Variants in KDM2B observed in about 807,000 individuals in gnomAD.
KDM2B encodes lysine-specific demethylase 2B.
In KDM2B, 26 loss-of-function variants were observed where a neutral mutation model predicts 150.0. That is an observed-to-expected ratio of 0.17 (90% CI 0.13 to 0.24). The LOEUF (loss-of-function observed/expected upper bound fraction) is 0.24. Among genes scored for constraint, KDM2B ranks in the 10% least tolerant of loss-of-function variants. The pLI, the probability that KDM2B is intolerant of heterozygous loss-of-function variation, is 1.00. For synonymous variants in KDM2B, 734 were observed against 729.5 expected, an observed-to-expected ratio of 1.01 and a Z score of -0.10; for missense variants, 1,265 against 1,816.9, an observed-to-expected ratio of 0.70 and a Z score of 5.52.
Position 121,521,343 on chromosome 12 carries a change from G to A in KDM2B, c.932-243C>T, listed in dbSNP as rs113589692. 0.021 allele frequency among the ~76,000 whole-genome samples: 3,206 copies of A among 152,268 alleles called. 123 individuals carry two copies. Among genetic ancestry groups the A allele is most frequent in the African/African-American group, 0.074 (3,061 of 41,534 alleles). ...TCTGGCTCAAGTCAGGAGCTGGGAA[G>A]CTGCAGATCAGCCCCCACTTCTTGA... On this transcript the variant is annotated intron_variant, in intron 8 of 22. Coordinates refer to ENST00000377071, the MANE Select transcript of KDM2B (RefSeq NM_032590.5). This position sits in a 1 kb window ranked among gnomAD's most constrained non-coding sequence, Gnocchi z 4.9.
intron 4 of KDM2B, among the ~76,000 whole-genome samples, chr12:121,557,030 T>G (rs1437402907): frequency 6.6e-6 from 1 of 151,826 alleles, no homozygotes; most frequent in African/African-American, 2.4e-5. Context: ...ATCAGCACCC[T>G]CCCCTCCTCA....
chr12:121,438,208 C>G (rs765705504), intron 22 of KDM2B, among the ~76,000 whole-genome samples: 3 of 149,530 alleles, frequency 2.0e-5, no homozygotes, highest in East Asian at 2.0e-4. Context: ...GAGCCGAGAT[C>G]GCACCACTGC....
rs1295550473 is a variant in KDM2B at position 121,513,295 on chromosome 12, C to G, written c.1155G>C (p.Gln385His). ...TQRSHLTQEY[Q>H]RESMLIDAPR... ...ACTCACCAATAAGCATCGACTCCCT[C>G]TGGTATTCCTGAGTGAGGTGGGAGC... is the stretch of plus-strand genomic sequence containing the variant. The change falls in exon 10 of 23, where the codon CAG (glutamine) becomes CAC (histidine). Residue 385 changes from glutamine (Q) to histidine (H), a missense_variant. Coordinates refer to ENST00000377071, the MANE Select transcript of KDM2B (RefSeq NM_032590.5). This position sits in a 1 kb window ranked among gnomAD's most constrained non-coding sequence, Gnocchi z 5.0. 2 of 1,613,554 alleles carry G rather than the reference C, an allele frequency of 1.2e-6. No individual in the cohort carries two copies. Among genetic ancestry groups the G allele is most frequent in the Non-Finnish European group, 1.7e-6 (2 of 1,179,874 alleles).
intron 12 of KDM2B, among the ~76,000 whole-genome samples, chr12:121,490,945 G>T (rs1883275976): frequency 6.6e-6 from 1 of 152,130 alleles, no homozygotes; most frequent in South Asian, 2.1e-4. Context: ...CTCGCATCCT[G>T]AGGGCCTCAG....
the KDM2B span, chr12:121,420,807 TAG>T: frequency 6.4e-7 from 1 of 1,559,514 alleles, no homozygotes. Context: ...TTTTTCCCTG[TAG>T]TATTTTTCCT....
downstream of KDM2B, among the ~76,000 whole-genome samples, chr12:121,427,328 A>AG (rs1194805391): frequency 1.3e-5 from 2 of 152,314 alleles, no homozygotes; most frequent in Middle Eastern, 3.4e-3. Context: ...ACCTGAGGTC[A>AG]GGAGTTCGAG....
intron 22 of KDM2B, among the ~76,000 whole-genome samples, chr12:121,439,403 A>G (rs1369003077): frequency 2.2e-5 from 3 of 137,036 alleles, no homozygotes; most frequent in Admixed American, 1.5e-4. Context: ...TTTTTTTGAG[A>G]CAGTTTTGGT....
At chr12:121,491,475 G>A (rs1342356985) in intron 12 of KDM2B, among the ~76,000 whole-genome samples, 1 of 152,118 alleles carries the variant, frequency 6.6e-6, no homozygotes, top group Non-Finnish European at 1.5e-5. Context: ...TGGCTCTGAA[G>A]TTATTTACTT....
chr12:121,425,822 A>G (rs1409433562), downstream of KDM2B, among the ~76,000 whole-genome samples: 1 of 149,918 alleles, frequency 6.7e-6, no homozygotes, highest in East Asian at 1.9e-4. Flanking sequence ...GCCGGAGTGC[A>G]GTGGCGTGAT....
At chr12:121,446,456 AT>A (rs1294738380) in intron 13 of KDM2B, among the ~76,000 whole-genome samples, 3 of 152,260 alleles carry the variant, frequency 2.0e-5, no homozygotes, top group Non-Finnish European at 4.4e-5. Context: ...AAATTACTTT[AT>A]GAAAACCTTA....
Position 121,580,692 on chromosome 12 carries a change from A to G in KDM2B, c.126+94T>C. 4 of 1,053,902 alleles carry G rather than the reference A, an allele frequency of 3.8e-6. 1 individual carries two copies. In the South Asian group the frequency reaches 4.8e-5, roughly 13 times the overall value. 65.3% of individuals were successfully genotyped at this position (1,053,902 alleles called of 1,614,324 possible). A position where few individuals can be genotyped will look rare whatever the true frequency, so the allele number is the denominator to read the frequency against. ...GGCGTGAAAGCCCCCGGGGCCTGGCACCCCCAAAAACGACCCCCCACCTCC... is the reference window on the plus strand; with the variant it reads ...GGCGTGAAAGCCCCCGGGGCCTGGCGCCCCCAAAAACGACCCCCCACCTCC... On this transcript the variant is annotated intron_variant, in intron 1 of 22. Coordinates refer to ENST00000377071, the MANE Select transcript of KDM2B (RefSeq NM_032590.5).
Position 121,441,391 on chromosome 12 carries a change from G to A in KDM2B, c.3285-158C>T, listed in dbSNP as rs79497702. The A allele has an allele frequency of 4.7e-3, 2,989 of 632,430 alleles. 69 individuals are homozygous for A. The African/African-American group carries it at 0.049, about 10-fold the overall frequency. The allele number at this position is 632,430 out of a possible 1,614,324, so 39.2% of individuals were successfully genotyped here. ...TGTAGCACCTATCCTGCCCCCACGC[G>A]GGCACCTCCCACCTGCTCTAACAGC... On this transcript the variant is annotated intron_variant, in intron 19 of 22. Transcript: ENST00000377071.
chr12:121,514,023 C>T (rs1453944779), intron 9 of KDM2B, among the ~76,000 whole-genome samples: 1 of 152,128 alleles, frequency 6.6e-6, no homozygotes, highest in Middle Eastern at 3.2e-3. Context: ...TCTGGCACTG[C>T]CCAGCCTGCA....
rs570889398 is a variant in KDM2B at position 121,488,284 on chromosome 12, C to T, written c.1734+6295G>A. ...TTCCGCTGCTCCCTGCTCCTCCTCT[C>T]GTGTCCTCGATTTCTATCAAGAACA... On this transcript the variant is annotated intron_variant, in intron 12 of 22. Coordinates refer to ENST00000377071, the MANE Select transcript of KDM2B (RefSeq NM_032590.5). 3.3e-5 allele frequency among the ~76,000 whole-genome samples: 5 copies of T among 152,274 alleles called. No individual in the cohort carries two copies. The South Asian group carries it at 1.0e-3, about 32-fold the overall frequency.
At chr12:121,581,050 T>C (rs1269220201), upstream of KDM2B, 16 of 1,182,302 alleles carry the variant, frequency 1.4e-5, no homozygotes, top group East Asian at 2.5e-5. Context: ...CCAGAGCCTT[T>C]GCAGTCCGCA....
chr12:121,442,288 C>T lies in KDM2B; in HGVS notation c.3153G>A (p.Pro1051=), dbSNP rs367709338. The change falls in exon 19 of 23, where the codon CCG becomes CCA. Residue 1051 remains proline (P), a synonymous_variant. Transcript: ENST00000377071. This position sits in a 1 kb window ranked among gnomAD's most constrained non-coding sequence, Gnocchi z 7.7. The part of the protein sequence containing the change: ...HVIRPPPISP[P]PDSLPLDDGA... ...CATCGTCCAGGGGTAGCGAGTCAGG[C>T]GGGGGGCTGATGGGGGGTGGCCGGA... 4 of 1,516,986 alleles carry T rather than the reference C, an allele frequency of 2.6e-6. No individual in the cohort carries two copies. Among genetic ancestry groups the T allele is most frequent in the Non-Finnish European group, 2.7e-6 (3 of 1,121,914 alleles). The allele number at this position is 1,516,986 out of a possible 1,614,324, so 94.0% of individuals were successfully genotyped here.
chr12:121,580,261 G>GGGA, intron 1 of KDM2B: 1 of 1,223,062 alleles, frequency 8.2e-7, no homozygotes, highest in South Asian at 2.8e-5. Flanking sequence ...GTGGGGGGGG[G>GGGA]GAGGCGTCGA....
In KDM2B at chr12:121,446,815, C is replaced by T. The variant is rs148380724; in HGVS notation, c.1960-1397G>A. Among the ~76,000 whole-genome samples the T allele has an allele frequency of 2.9e-3, 441 of 152,300 alleles. 1 individual carries two copies. Among genetic ancestry groups the T allele is most frequent in the Middle Eastern group, 0.01 (3 of 294 alleles). On this transcript the variant is annotated intron_variant, in intron 13 of 22. Transcript: ENST00000377071. ...CGCACAGCTTCCCAATACTGAGAGACTTTTCCAATGAGATCAGTAATCATA... is the reference window on the plus strand; with the variant it reads ...CGCACAGCTTCCCAATACTGAGAGATTTTTCCAATGAGATCAGTAATCATA...
intron 2 of KDM2B, among the ~76,000 whole-genome samples, chr12:121,576,891 G>C (rs1309556085): frequency 6.6e-6 from 1 of 152,190 alleles, no homozygotes; most frequent in East Asian, 1.9e-4. Context: ...CTTGGGGGAG[G>C]AGGAGGCCAA....
Sources: allele counts gnomAD v4.1 joint callset (sites outside exome capture counted in the v4.1 genomes callset), GRCh38; gene constraint gnomAD v4.1.1; non-coding constraint Gnocchi (gnomAD v3.1); transcripts MANE v1.5; gene names NCBI Gene and HGNC (gene_info 2026-07-23, HGNC 2026-07-21).